The following ANKS1B variants were observed in gnomAD, a reference collection of about 807,000 sequenced individuals.
ANKS1B encodes the protein ankyrin repeat and sterile alpha motif domain containing 1B, also known as ankyrin repeat and sterile alpha motif domain-containing protein 1B.
Under a neutral mutation model 148.3 loss-of-function variants are expected in ANKS1B, and 36 were observed. That is an observed-to-expected ratio of 0.24 (90% CI 0.19 to 0.32). ANKS1B has a LOEUF of 0.32. ANKS1B is among the 10% of genes least tolerant of loss of function. ANKS1B has a pLI of 1.00. For missense variants in ANKS1B, 1,157 were observed against 1,542.6 expected (o/e 0.75, Z 4.19); for synonymous variants, 542 against 560.8 (o/e 0.97, Z 0.47).
chr12:99,325,786 A>G (rs1204619120), intron 12 of ANKS1B, among the ~76,000 whole-genome samples: 2 of 152,128 alleles, frequency 1.3e-5, no homozygotes, highest in Non-Finnish European at 2.9e-5. Flanking sequence ...AATCAATGCA[A>G]TGGCTACTAA....
intron 16 of ANKS1B, among the ~76,000 whole-genome samples, chr12:99,077,201 C>T (rs1025017434): frequency 6.6e-6 from 1 of 152,068 alleles, no homozygotes; most frequent in African/African-American, 2.4e-5. Flanking sequence ...GACTGGGTCC[C>T]GTCATGTATT....
intron 11 of ANKS1B, among the ~76,000 whole-genome samples, chr12:99,437,857 C>T (rs573905853): frequency 6.6e-6 from 1 of 151,824 alleles, no homozygotes; most frequent in Non-Finnish European, 1.5e-5. Flanking sequence ...CTTTTACCAT[C>T]AAACTACTAA....
intron 14 of ANKS1B, among the ~76,000 whole-genome samples, chr12:99,239,192 A>C (rs2088697930): frequency 6.6e-6 from 1 of 152,230 alleles, no homozygotes; most frequent in Non-Finnish European, 1.5e-5. Flanking sequence ...CAAATGGCTA[A>C]CTAGAATAAA....
At chr12:99,445,544 A>G (rs2095622881) in intron 10 of ANKS1B, among the ~76,000 whole-genome samples, 2 of 152,170 alleles carry the variant, frequency 1.3e-5, no homozygotes, top group African/African-American at 4.8e-5. Context: ...TTCATCAATT[A>G]TAACAAAGGT....
chr12:99,452,883 T>A (rs1319041853), intron 10 of ANKS1B, among the ~76,000 whole-genome samples: 1 of 152,242 alleles, frequency 6.6e-6, no homozygotes, highest in Non-Finnish European at 1.5e-5. Flanking sequence ...AGATGAAATG[T>A]GTGGTAGACA....
At chr12:99,275,194 T>C (rs537580619) in intron 12 of ANKS1B, among the ~76,000 whole-genome samples, 1 of 152,340 alleles carries the variant, frequency 6.6e-6, no homozygotes, top group East Asian at 1.9e-4. Flanking sequence ...TTCTTTGTTT[T>C]ATAAACAATT....
intron 12 of ANKS1B, among the ~76,000 whole-genome samples, chr12:99,269,596 T>C (rs1350152930): frequency 1.3e-5 from 2 of 152,206 alleles, no homozygotes; most frequent in Non-Finnish European, 2.9e-5. Flanking sequence ...TCTCACTCTG[T>C]TGCTCAGGCT....
At chr12:99,687,336 C>T (rs1052033620) in intron 8 of ANKS1B, among the ~76,000 whole-genome samples, 10 of 152,068 alleles carry the variant, frequency 6.6e-5, no homozygotes, top group African/African-American at 2.4e-4. Context: ...GTTTATTTTG[C>T]ATACAGTTTA....
chr12:98,946,047 G>T (rs929408485), intron 17 of ANKS1B, among the ~76,000 whole-genome samples: 1 of 152,186 alleles, frequency 6.6e-6, no homozygotes, highest in African/African-American at 2.4e-5. Context: ...CAAGCCAATT[G>T]TGGTTTTTCC....
intron 15 of ANKS1B, among the ~76,000 whole-genome samples, chr12:99,095,580 T>C (rs953105991): frequency 2.6e-5 from 4 of 152,328 alleles, no homozygotes; most frequent in South Asian, 4.1e-4. Context: ...AAAAACGTTA[T>C]TTAAAGCTCT....
At position 99,590,097 on chromosome 12, in the gene ANKS1B, A is replaced by C. The variant is rs970110331; in HGVS notation, c.1272+64970T>G. On this transcript the variant is annotated intron_variant, in intron 9 of 26. Transcript: ENST00000683438. ...GGAATATACTAAAAATATAATGCTG[A>C]AAAAAGTACAGTATGTATTTATTTT... Among the ~76,000 whole-genome samples the C allele has an allele frequency of 2.6e-5, 4 of 152,304 alleles. No individual in the cohort carries two copies. In the South Asian group the frequency reaches 8.3e-4, roughly 32 times the overall value.
intron 1 of ANKS1B, among the ~76,000 whole-genome samples, chr12:99,912,571 G>A (rs7303564): frequency 6.6e-6 from 1 of 151,822 alleles, no homozygotes; most frequent in East Asian, 1.9e-4. Flanking sequence ...AGGCTGGTCT[G>A]GAACTCCCGG....
chr12:99,600,537 G>A (rs11109939), intron 9 of ANKS1B, among the ~76,000 whole-genome samples: 5,917 of 152,104 alleles, frequency 0.039, 235 homozygotes, highest in Non-Finnish European at 0.058. Flanking sequence ...AGAGCCTGAG[G>A]CTTTGACAAG....
At chr12:98,786,990 C>G (rs961293149) in intron 22 of ANKS1B, among the ~76,000 whole-genome samples, 1 of 152,144 alleles carries the variant, frequency 6.6e-6, no homozygotes, top group Admixed American at 6.5e-5. Context: ...GATATTCAGT[C>G]CTGAGTCGTA....
intron 9 of ANKS1B, among the ~76,000 whole-genome samples, chr12:99,567,286 G>A (rs977212543): frequency 9.2e-5 from 14 of 152,000 alleles, no homozygotes; most frequent in African/African-American, 3.4e-4. Flanking sequence ...TCTTTAAAGG[G>A]CTTACCTAAT....
At chr12:98,912,829 A>G (rs2152847940) in intron 17 of ANKS1B, among the ~76,000 whole-genome samples, 1 of 152,334 alleles carries the variant, frequency 6.6e-6, no homozygotes, top group East Asian at 1.9e-4. Flanking sequence ...CAGGGACTCA[A>G]CATTAAATGA....
intron 11 of ANKS1B, among the ~76,000 whole-genome samples, chr12:99,420,825 A>T (rs1331862093): frequency 6.6e-6 from 1 of 152,198 alleles, no homozygotes; most frequent in Non-Finnish European, 1.5e-5. Context: ...ATAGTCTCTA[A>T]TTCTAAAACT....
chr12:99,668,127 T>C (rs563658261), intron 8 of ANKS1B, among the ~76,000 whole-genome samples: 4 of 152,316 alleles, frequency 2.6e-5, no homozygotes, highest in Admixed American at 1.3e-4. Context: ...AGTTTCCTTG[T>C]GGGGAAGAAT....
chr12:98,816,050 C>T (rs776076406), intron 19 of ANKS1B, among the ~76,000 whole-genome samples: 5 of 152,150 alleles, frequency 3.3e-5, no homozygotes, highest in Non-Finnish European at 5.9e-5. Context: ...TACCCATCTT[C>T]GTCTTGCTGT....
Sources: allele counts gnomAD v4.1 joint callset (sites outside exome capture counted in the v4.1 genomes callset), GRCh38; gene constraint gnomAD v4.1.1; transcripts MANE v1.5; gene names NCBI Gene and HGNC (gene_info 2026-07-23, HGNC 2026-07-21).